The following DOC2B variants were observed in gnomAD, a reference collection of about 807,000 sequenced individuals.
The protein encoded by DOC2B is double C2-like domain-containing protein beta.
A neutral mutation model predicts 28.9 loss-of-function variants in DOC2B; 21 were observed. The observed-to-expected ratio is 0.73, with a 90% confidence interval of 0.52 to 1.05. The LOEUF is 1.05. Ranked by LOEUF, DOC2B falls within the 50% of genes least tolerant of loss-of-function variation. The pLI, the probability that DOC2B is intolerant of heterozygous loss-of-function variation, is 0.00. For synonymous variants in DOC2B, 194 were observed against 178.1 expected (o/e 1.09, Z -0.71); for missense variants, 384 against 421.1 (o/e 0.91, Z 0.77).
At chr17:172,466 TG>T in intron 2 of DOC2B, 70 bp downstream of exon 2, 1 of 1,304,396 alleles carries the variant, frequency 7.7e-7, no homozygotes, top group Non-Finnish European at 1.1e-6. Flanking sequence ...TGGTGTGGTC[TG>T]GCCTCCCTGA....
chr17:174,807 G>A (rs1208374533), intron 1 of DOC2B, among the ~76,000 whole-genome samples: 1 of 152,232 alleles, frequency 6.6e-6, no homozygotes, highest in Non-Finnish European at 1.5e-5. Flanking sequence ...TGTTGGAAGT[G>A]TGTGCAAACT....
intron 3 of DOC2B, 148 bp downstream of exon 3, chr17:163,982 C>T (rs1195900189): frequency 1.6e-6 from 1 of 628,088 alleles, no homozygotes; most frequent in East Asian, 2.8e-5. Flanking sequence ...GTCCCATCAG[C>T]TTGCTTGGAC....
chr17:181,425 C>A lies in DOC2B; in HGVS notation c.55G>T (p.Ala19Ser), dbSNP rs1393221775. The A allele has an allele frequency of 3.4e-6, 4 of 1,183,154 alleles. No homozygotes were observed. The Admixed American group carries it at 1.3e-4, about 39-fold the overall frequency. 73.3% of individuals were successfully genotyped at this position (1,183,154 alleles called of 1,614,324 possible). A position where few individuals can be genotyped will look rare whatever the true frequency, so the allele number is the denominator to read the frequency against. Residue 19 changes from alanine (A) to serine (S), a missense_variant, in exon 1 of 9, where the codon GCC (alanine) becomes TCC (serine). Ala to Ser is a moderately conservative substitution (Grantham distance 99). Transcript: ENST00000613549. This position sits in a 1 kb window ranked among gnomAD's most constrained non-coding sequence, Gnocchi z 7.0. Reference protein sequence around the residue: ...KATISIQEHMAIDVCPGPIRP... With the variant: ...KATISIQEHMSIDVCPGPIRP... ...ATGGGGCCGGGGCACACGTCGATGG[C>A]CATATGCTCCTGGATGCTGATGGTC...
In DOC2B at chr17:147,516, C is replaced by T. The variant is rs1461689422; in HGVS notation, c.1164G>A (p.Leu388=). ...GCTCGATGCGCTTGTCCTTGTTCTT[C>T]AGGCAGTCAAACCAGTGCTTCAGGC... is the stretch of plus-strand genomic sequence containing the variant. ...GERLKHWFDC[L]KNKDKRIERW... The change falls in exon 9 of 9, where the codon CTG becomes CTA. Residue 388 remains leucine, a synonymous_variant. Transcript: ENST00000613549. 1 of 398,704 alleles carries T rather than the reference C, an allele frequency of 2.5e-6. No individual in the cohort carries two copies. Among genetic ancestry groups the T allele is most frequent in the Non-Finnish European group, 4.4e-6 (1 of 226,204 alleles). 24.7% of individuals were successfully genotyped at this position (398,704 alleles called of 1,614,324 possible). A position where few individuals can be genotyped will look rare whatever the true frequency, so the allele number is the denominator to read the frequency against.
chr17:153,468 C>T (rs1465138162), intron 6 of DOC2B, among the ~76,000 whole-genome samples: 5 of 152,170 alleles, frequency 3.3e-5, no homozygotes, highest in East Asian at 1.9e-4. Context: ...TTTGGGAGGC[C>T]AGGGTGGGTG....
chr17:164,767 G>A (rs1362837261), intron 2 of DOC2B, among the ~76,000 whole-genome samples: 1 of 152,136 alleles, frequency 6.6e-6, no homozygotes, highest in Non-Finnish European at 1.5e-5. Context: ...ACCCAGCCAC[G>A]CGTGCACAGC....
chr17:177,181 CA>C (rs1423002926), intron 1 of DOC2B, among the ~76,000 whole-genome samples: 1 of 152,098 alleles, frequency 6.6e-6, no homozygotes, highest in East Asian at 1.9e-4. Context: ...GCCGGCACTG[CA>C]GGGGGGACAG....
At chr17:175,776 T>C (rs2040363245) in intron 1 of DOC2B, among the ~76,000 whole-genome samples, 4 of 152,172 alleles carry the variant, frequency 2.6e-5, no homozygotes, top group Admixed American at 2.6e-4. Context: ...CTGCTCCCCC[T>C]GGGACACCCA....
At chr17:177,375 T>G (rs1262626427) in intron 1 of DOC2B, among the ~76,000 whole-genome samples, 1 of 152,234 alleles carries the variant, frequency 6.6e-6, no homozygotes. Context: ...GGCCTCCTCA[T>G]AGGTCTCTTC....
Position 161,452 on chromosome 17 carries a change from G to C in DOC2B, c.728C>G (p.Thr243Ser). Residue 243 changes from threonine to serine, a missense_variant, in exon 5 of 9, where the codon ACC becomes AGC. Thr to Ser is a moderately conservative substitution (Grantham distance 58). Coordinates refer to ENST00000613549, the MANE Select transcript of DOC2B (RefSeq NM_003585.5). ...CTCCAGGCAGATGCTGAAGGTCTTG[G>C]TGTGGTTGGGTTTCAGCTTCTTCAG... is the stretch of plus-strand genomic sequence containing the variant. ...VPLKKLKPNH[T>S]KTFSICLEKQ... 1 of 1,551,706 alleles carries C rather than the reference G, an allele frequency of 6.4e-7. No individual in the cohort carries two copies. The highest frequency in any genetic ancestry group is 2.0e-5 in the Admixed American group (1 of 51,014).
chr17:179,829 C>G (rs1178529185), intron 1 of DOC2B, among the ~76,000 whole-genome samples: 3 of 152,282 alleles, frequency 2.0e-5, no homozygotes, highest in African/African-American at 7.2e-5. Context: ...GGGCCGTGGT[C>G]CAGGCCTCTA....
Position 149,151 on chromosome 17 carries a change from G to A in DOC2B, c.965C>T (p.Thr322Ile). 1 of 399,998 alleles carries A rather than the reference G, an allele frequency of 2.5e-6. No individual in the cohort carries two copies. 24.8% of individuals were successfully genotyped at this position (399,998 alleles called of 1,614,324 possible). ...PDVDKKSKHKTAVKKKTLNPE... is the reference protein window; with the variant it reads ...PDVDKKSKHKIAVKKKTLNPE... ...GTTCAGGGTTTTTTTCTTCACCGCT[G>A]TCTTATGTTTGGATTTCTTGTCCAC... The change falls in exon 7 of 9, where the codon ACA (threonine) becomes ATA (isoleucine). Residue 322 changes from threonine (T) to isoleucine (I), a missense_variant. By Grantham distance (89) the Thr-to-Ile change is moderately conservative. Transcript: ENST00000613549.
At chr17:153,799 A>T (rs2040099596) in intron 6 of DOC2B, among the ~76,000 whole-genome samples, 1 of 152,124 alleles carries the variant, frequency 6.6e-6, no homozygotes. Flanking sequence ...CAGAAGAAAA[A>T]ACATATATAT....
chr17:181,552 C>G lies in DOC2B; in HGVS notation c.-73G>C. On this transcript the variant is annotated 5_prime_UTR_variant, in exon 1 of 9. Transcript: ENST00000613549. The surrounding 1 kb of genome is among the most constrained non-coding windows in gnomAD (Gnocchi z 7.0). Reference sequence around the variant, plus strand: ...CCGGCCCGGGGGCGGCTCAGCAGGCCCGGCGGGGCGCGGCGGGGGCTGCGG... The same window carrying G: ...CCGGCCCGGGGGCGGCTCAGCAGGCGCGGCGGGGCGCGGCGGGGGCTGCGG... 1 of 843,904 alleles carries G rather than the reference C, an allele frequency of 1.2e-6. No individual in the cohort carries two copies. The highest frequency in any genetic ancestry group is 1.4e-6 in the Non-Finnish European group (1 of 704,128). The allele number at this position is 843,904 out of a possible 1,614,324, so 52.3% of individuals were successfully genotyped here. A position where few individuals can be genotyped will look rare whatever the true frequency, so the allele number is the denominator to read the frequency against.
intron 1 of DOC2B, among the ~76,000 whole-genome samples, chr17:176,741 A>AGAGAAG (rs1469411006): frequency 6.6e-6 from 1 of 152,224 alleles, no homozygotes; most frequent in Non-Finnish European, 1.5e-5. Flanking sequence ...TGTGACCCAC[A>AGAGAAG]GTGCCCTGCC....
intron 5 of DOC2B, among the ~76,000 whole-genome samples, chr17:159,320 G>A (rs932172220): frequency 6.6e-5 from 10 of 151,250 alleles, no homozygotes; most frequent in East Asian, 2.0e-4. Context: ...GCGAACCCCC[G>A]TCTCTACTAA....
intron 6 of DOC2B, among the ~76,000 whole-genome samples, chr17:155,273 G>A (rs1445126056): frequency 6.6e-6 from 1 of 152,152 alleles, no homozygotes. Context: ...GAATGTAAGT[G>A]TAACTCACTG....
At position 143,514 on chromosome 17, in the gene DOC2B, T is replaced by C. The variant is rs2039998384; in HGVS notation, c.*3927A>G. On this transcript the variant is annotated 3_prime_UTR_variant, in exon 9 of 9. Coordinates refer to ENST00000613549, the MANE Select transcript of DOC2B (RefSeq NM_003585.5). Reference sequence around the variant, plus strand: ...CCACGCTAGGCTAATTGTCATTGTGTGTGTCTCTGTGTGTGTAGAGGCGTG... The same window carrying C: ...CCACGCTAGGCTAATTGTCATTGTGCGTGTCTCTGTGTGTGTAGAGGCGTG... The C allele has an allele frequency of 6.6e-6, 1 of 151,914 alleles. No individual in the cohort carries two copies. The highest frequency in any genetic ancestry group is 1.5e-5 in the Non-Finnish European group (1 of 68,000). 9.4% of individuals were successfully genotyped at this position (151,914 alleles called of 1,614,324 possible).
chr17:172,393 C>T, intron 2 of DOC2B, 144 bp downstream of exon 2: 1 of 591,380 alleles, frequency 1.7e-6, no homozygotes, highest in East Asian at 2.9e-5. Context: ...AAGAAGAATT[C>T]CTTCCTGGCC....
Sources: allele counts gnomAD v4.1 joint callset (sites outside exome capture counted in the v4.1 genomes callset), GRCh38; gene constraint gnomAD v4.1.1; non-coding constraint Gnocchi (gnomAD v3.1); transcripts MANE v1.5; gene names NCBI Gene and HGNC (gene_info 2026-07-23, HGNC 2026-07-21).